Variants in RALGAPA1 observed in about 807,000 individuals in gnomAD.
RALGAPA1 encodes the protein Ral GTPase activating protein catalytic subunit alpha 1, also known as ral GTPase-activating protein subunit alpha-1.
RALGAPA1 carries 52 observed loss-of-function variants against 269.6 expected under a neutral mutation model. That is an observed-to-expected ratio of 0.19 (90% CI 0.15 to 0.24). The LOEUF is 0.24. Ranked by LOEUF, RALGAPA1 falls within the 10% of genes least tolerant of loss-of-function variation. The pLI is 1.00. For synonymous variants in RALGAPA1, 817 were observed against 1,008.3 expected (o/e 0.81, Z 3.60); for missense variants, 1,917 against 3,013.9 (o/e 0.64, Z 8.52).
intron 35 of RALGAPA1, 120 bp downstream of exon 35, chr14:35,625,241 C>A: frequency 3.6e-6 from 2 of 547,980 alleles, no homozygotes; most frequent in Admixed American, 3.3e-5. Flanking sequence ...AACTTTTGCT[C>A]AGAAAGTTAT....
intron 35 of RALGAPA1, among the ~76,000 whole-genome samples, chr14:35,608,386 C>T (rs556258058): frequency 1.3e-5 from 2 of 152,270 alleles, no homozygotes; most frequent in Admixed American, 1.3e-4. Context: ...AAAATCTGAG[C>T]ATGGAGATCA....
chr14:35,580,435 G>A (rs987771113), intron 37 of RALGAPA1, among the ~76,000 whole-genome samples: 1 of 152,204 alleles, frequency 6.6e-6, no homozygotes, highest in Non-Finnish European at 1.5e-5. Context: ...TCCTCAGGAA[G>A]AGATAATTTA....
chr14:35,778,961 T>A (rs1316528601), intron 1 of RALGAPA1, among the ~76,000 whole-genome samples: 2 of 152,122 alleles, frequency 1.3e-5, no homozygotes, highest in African/African-American at 4.8e-5. Flanking sequence ...AAAATTTAGG[T>A]ACAGAGAGTC....
chr14:35,566,091 T>C (rs2056675160), intron 39 of RALGAPA1, among the ~76,000 whole-genome samples: 2 of 151,994 alleles, frequency 1.3e-5, no homozygotes, highest in African/African-American at 4.8e-5. Context: ...TCTAATTGCA[T>C]GATTAAACTA....
At chr14:35,754,874 C>A (rs912258728) in intron 7 of RALGAPA1, among the ~76,000 whole-genome samples, 1 of 152,122 alleles carries the variant, frequency 6.6e-6, no homozygotes, top group African/African-American at 2.4e-5. Flanking sequence ...CTGACACATA[C>A]AAGAAGATAG....
At chr14:35,703,024 T>C (rs1192664625) in intron 16 of RALGAPA1, among the ~76,000 whole-genome samples, 1 of 152,232 alleles carries the variant, frequency 6.6e-6, no homozygotes, top group Non-Finnish European at 1.5e-5. Context: ...TTTTTCTTTT[T>C]TCCCCTAGGG....
intron 35 of RALGAPA1, among the ~76,000 whole-genome samples, chr14:35,617,397 C>T (rs1362588209): frequency 2.0e-5 from 3 of 152,108 alleles, no homozygotes; most frequent in Admixed American, 6.6e-5. Context: ...GCAGGCAGAT[C>T]GCTTGAGGTC....
rs1343550866 is a variant in RALGAPA1, at chr14:35,700,271, A to T, written c.2298T>A (p.Ala766=). ...AMRSRSIGEC[A]LPSAYIRSAK... is the part of the protein sequence containing the mutation. ...CACTGCGTATATAGGCCGATGGCAG[A>T]GCACATTCACCAATGGATCGGCTTC... is the stretch of plus-strand genomic sequence containing the variant. The change falls in exon 17 of 42, where the codon GCT becomes GCA. Residue 766 remains alanine (A), a synonymous_variant. Transcript: ENST00000680220. The T allele has an allele frequency of 4.6e-6, 7 of 1,531,918 alleles. No individual in the cohort carries two copies. The allele number at this position is 1,531,918 out of a possible 1,614,324, so 94.9% of individuals were successfully genotyped here.
At chr14:35,665,205 T>G (rs1178623631) in intron 26 of RALGAPA1, among the ~76,000 whole-genome samples, 1 of 152,154 alleles carries the variant, frequency 6.6e-6, no homozygotes, top group African/African-American at 2.4e-5. Flanking sequence ...GAGGAACCAA[T>G]CTAGATGGCT....
intron 37 of RALGAPA1, among the ~76,000 whole-genome samples, chr14:35,574,940 CAACATGGTG>C (rs2057446712): frequency 6.6e-6 from 1 of 151,796 alleles, no homozygotes; most frequent in Non-Finnish European, 1.5e-5. Context: ...CTAGCCTGGC[CAACATGGTG>C]AAACCCCATC....
chr14:35,756,927 A>C lies in RALGAPA1; in HGVS notation c.548-19T>G. ...ACTTGAGCTATCCAAAGACAAAAGAATAGTATATAGTTACAAAACAAATTT... is the reference window on the plus strand; with the variant it reads ...ACTTGAGCTATCCAAAGACAAAAGACTAGTATATAGTTACAAAACAAATTT... On this transcript the variant is annotated intron_variant, in intron 6 of 41. Coordinates refer to ENST00000680220, the MANE Select transcript of RALGAPA1 (RefSeq NM_001346249.2). 6.5e-7 allele frequency: 1 copy of C among 1,540,804 alleles called. No homozygotes were observed. Among genetic ancestry groups the C allele is most frequent in the African/African-American group, 1.4e-5 (1 of 72,426 alleles).
At chr14:35,598,142 C>G (rs1324999475) in intron 36 of RALGAPA1, among the ~76,000 whole-genome samples, 1 of 152,102 alleles carries the variant, frequency 6.6e-6, no homozygotes. Context: ...GTGAATTTCT[C>G]TATTTCTTCT....
intron 3 of RALGAPA1, among the ~76,000 whole-genome samples, chr14:35,773,772 C>CT: frequency 6.6e-6 from 1 of 152,210 alleles, no homozygotes; most frequent in African/African-American, 2.4e-5. Flanking sequence ...AGAACAGATA[C>CT]TAACATCAGC....
intron 5 of RALGAPA1, among the ~76,000 whole-genome samples, 169 bp downstream of exon 5, chr14:35,762,541 C>A (rs1457637258): frequency 6.6e-6 from 1 of 152,192 alleles, no homozygotes; most frequent in Non-Finnish European, 1.5e-5. Context: ...CAGGCGTGAG[C>A]CACTGCACCC....
At chr14:35,797,670 GC>G (rs1186591423) in intron 1 of RALGAPA1, among the ~76,000 whole-genome samples, 4 of 151,530 alleles carry the variant, frequency 2.6e-5, no homozygotes, top group African/African-American at 9.7e-5. Context: ...ACACGGAGAA[GC>G]CCCGTGTCTA....
chr14:35,564,459 C>T (rs1208029329), intron 39 of RALGAPA1: 1 of 152,170 alleles, frequency 6.6e-6, no homozygotes, highest in Non-Finnish European at 1.5e-5. Flanking sequence ...TTAGTTTTGG[C>T]TTTCCTACTT....
intron 35 of RALGAPA1, among the ~76,000 whole-genome samples, chr14:35,618,948 A>G (rs1426783317): frequency 1.3e-5 from 2 of 152,008 alleles, no homozygotes; most frequent in African/African-American, 4.8e-5. Context: ...CTTTTTCTAC[A>G]TGAGAGTTTT....
At chr14:35,573,450 G>A (rs1281750879) in intron 37 of RALGAPA1, among the ~76,000 whole-genome samples, 1 of 152,132 alleles carries the variant, frequency 6.6e-6, no homozygotes, top group East Asian at 1.9e-4. Context: ...GACTTTTAGT[G>A]CAGATCTTAC....
At chr14:35,761,762 T>C (rs1233436990) in intron 5 of RALGAPA1, among the ~76,000 whole-genome samples, 1 of 152,174 alleles carries the variant, frequency 6.6e-6, no homozygotes, top group Non-Finnish European at 1.5e-5. Context: ...TAACCTAACC[T>C]CACTGATAGC....
Sources: gnomAD v4.1 joint callset for allele counts (sites outside exome capture counted in the v4.1 genomes callset) on GRCh38, gnomAD v4.1.1 for gene constraint, MANE v1.5 for transcripts, NCBI Gene and HGNC (gene_info 2026-07-23, HGNC 2026-07-21) for gene names.